The following MACROD2 variants were observed in gnomAD, a reference collection of about 807,000 sequenced individuals.
The protein encoded by MACROD2 is mono-ADP ribosylhydrolase 2.
MACROD2 carries 36 observed loss-of-function variants against 70.4 expected under a neutral mutation model. That is an observed-to-expected ratio of 0.51 (90% confidence interval 0.39 to 0.68). The LOEUF (loss-of-function observed/expected upper bound fraction) is 0.68, where lower values mean the gene tolerates loss of function less well. Among genes scored for constraint, MACROD2 ranks in the 30% least tolerant of loss-of-function variants. MACROD2 has a pLI of 0.00. For missense variants in MACROD2, 496 were observed against 538.4 expected (o/e 0.92, Z 0.78); for synonymous variants, 172 against 178.8 (o/e 0.96, Z 0.30).
intron 5 of MACROD2, among the ~76,000 whole-genome samples, chr20:15,221,230 A>T (rs1031921178): frequency 1.3e-5 from 2 of 152,210 alleles, no homozygotes; most frequent in African/African-American, 4.8e-5. Flanking sequence ...TTGAACCAGA[A>T]CAAAGATCTT....
At chr20:14,693,571 T>C (rs2071087325) in intron 5 of MACROD2, among the ~76,000 whole-genome samples, 1 of 152,188 alleles carries the variant, frequency 6.6e-6, no homozygotes, top group African/African-American at 2.4e-5. Context: ...ATGTATTAAC[T>C]CTCCCTGTAA....
Position 14,518,721 on chromosome 20 carries a change from A to C in MACROD2, c.301+25213A>C, listed in dbSNP as rs192959740. Among the ~76,000 whole-genome samples the C allele has an allele frequency of 1.7e-3, 255 of 152,132 alleles. 1 individual carries two copies. The highest frequency in any genetic ancestry group is 5.8e-3 in the African/African-American group (241 of 41,518). Reference sequence around the variant, plus strand: ...GAAAGAGTGGCACCTTTATATAAAAATATAAAGCCTGGCTTATGCCCTGGT... The same window carrying C: ...GAAAGAGTGGCACCTTTATATAAAACTATAAAGCCTGGCTTATGCCCTGGT... On this transcript the variant is annotated intron_variant, in intron 4 of 17. Transcript: ENST00000684519.
At chr20:14,290,692 A>G (rs376376248) in intron 3 of MACROD2, among the ~76,000 whole-genome samples, 1 of 152,078 alleles carries the variant, frequency 6.6e-6, no homozygotes, top group Non-Finnish European at 1.5e-5. Flanking sequence ...TATTTTTAGT[A>G]TACACAGGGT....
intron 2 of MACROD2, among the ~76,000 whole-genome samples, chr20:14,066,030 G>T (rs2053751998): frequency 6.6e-6 from 1 of 152,124 alleles, no homozygotes. Context: ...TTTTGCAAAA[G>T]TTCTGTGGAT....
intron 6 of MACROD2, among the ~76,000 whole-genome samples, chr20:15,385,128 G>C (rs1360255133): frequency 6.6e-6 from 1 of 152,162 alleles, no homozygotes; most frequent in Non-Finnish European, 1.5e-5. Context: ...CAGTGGGTGG[G>C]GCAGTGGTAT....
At chr20:15,077,958 C>T (rs1054706479) in intron 5 of MACROD2, among the ~76,000 whole-genome samples, 18 of 152,028 alleles carry the variant, frequency 1.2e-4, no homozygotes, top group Non-Finnish European at 5.9e-5. Flanking sequence ...TCTCAGAAAG[C>T]TCACAGGACT....
chr20:14,417,054 CTATCTATCTATCATCTATCTATCTATCT>C (rs2083814781), intron 3 of MACROD2, among the ~76,000 whole-genome samples: 1 of 74,120 alleles, frequency 1.3e-5, no homozygotes, highest in Non-Finnish European at 3.3e-5. Context: ...TATTATCTAT[CTATCTATCTATCATCTATCTATCTATCT>C]ATCTATCTAT....
chr20:14,953,099 A>T (rs1447069984), intron 5 of MACROD2, among the ~76,000 whole-genome samples: 2 of 152,146 alleles, frequency 1.3e-5, no homozygotes, highest in Non-Finnish European at 2.9e-5. Context: ...AATAAATAAT[A>T]GACCAGAAAA....
chr20:14,212,700 C>T lies in MACROD2; in HGVS notation c.271+126972C>T, dbSNP rs541119456. Among the ~76,000 whole-genome samples, 35 of 151,536 alleles carry T rather than the reference C, an allele frequency of 2.3e-4. No homozygotes were observed. In the South Asian group the frequency reaches 7.3e-3, roughly 32 times the overall value. Reference sequence around the variant, plus strand: ...AGCTTGATTTCTGTAGTCCCTGTCTCTAAAATTGGGGTAAAACCACATACC... The same window carrying T: ...AGCTTGATTTCTGTAGTCCCTGTCTTTAAAATTGGGGTAAAACCACATACC... On this transcript the variant is annotated intron_variant, in intron 3 of 17. Transcript: ENST00000684519.
chr20:14,331,445 T>G (rs1173732672), intron 3 of MACROD2, among the ~76,000 whole-genome samples: 1 of 152,150 alleles, frequency 6.6e-6, no homozygotes, highest in African/African-American at 2.4e-5. Flanking sequence ...GTGGTAATAA[T>G]GTGGGATTAA....
rs2072800307 is a variant in MACROD2, at chr20:14,818,548, A to T, written c.418+133589A>T. ...ATTCAGATGATTTCAAGATTTTGAC[A>T]CATGAAGATTCCAGGTTCACCTATG... On this transcript the variant is annotated intron_variant, in intron 5 of 17. Transcript: ENST00000684519. Among the ~76,000 whole-genome samples the T allele has an allele frequency of 2.0e-5, 3 of 152,224 alleles. No individual in the cohort carries two copies. The South Asian group carries it at 6.2e-4, about 32-fold the overall frequency.
intron 3 of MACROD2, among the ~76,000 whole-genome samples, chr20:14,140,965 G>A (rs1439978655): frequency 6.6e-6 from 1 of 152,164 alleles, no homozygotes; most frequent in Non-Finnish European, 1.5e-5. Context: ...TCATATTAGA[G>A]AGTCATTCAG....
rs555920446 is a variant in MACROD2 at position 15,885,770 on chromosome 20, A to C, written c.734A>C (p.Asn245Thr). The change falls in exon 10 of 18, where the codon AAT becomes ACT. Residue 245 changes from asparagine to threonine, a missense_variant. Coordinates refer to ENST00000684519, the MANE Select transcript of MACROD2 (RefSeq NM_001351661.2). ...KMNEFFSVDDNNEEEEDVEMK... is the reference protein window; with the variant it reads ...KMNEFFSVDDTNEEEEDVEMK... ...TTTTCCTATTTTTTAACAGACGATA[A>C]TAATGAAGAAGAAGAGGATGTTGAA... 10 of 1,488,792 alleles carry C rather than the reference A, an allele frequency of 6.7e-6. No homozygotes were observed. In the South Asian group the frequency reaches 1.3e-4, roughly 20 times the overall value. The allele number at this position is 1,488,792 out of a possible 1,614,324, so 92.2% of individuals were successfully genotyped here.
At chr20:15,419,086 A>C (rs1315453331) in intron 6 of MACROD2, among the ~76,000 whole-genome samples, 1 of 152,168 alleles carries the variant, frequency 6.6e-6, no homozygotes, top group African/African-American at 2.4e-5. Context: ...ATTTATGACG[A>C]AGTGGTCCCA....
chr20:14,714,540 G>A (rs2123669835), intron 5 of MACROD2, among the ~76,000 whole-genome samples: 1 of 152,152 alleles, frequency 6.6e-6, no homozygotes, highest in Middle Eastern at 3.4e-3. Context: ...ACAAGACCTG[G>A]CCTCTGCCTT....
chr20:15,812,506 ATATTT>A (rs1391022334), intron 8 of MACROD2, among the ~76,000 whole-genome samples: 1 of 152,034 alleles, frequency 6.6e-6, no homozygotes, highest in African/African-American at 2.4e-5. Flanking sequence ...TGTGGATAAG[ATATTT>A]CTCCCCCTTG....
intron 8 of MACROD2, among the ~76,000 whole-genome samples, chr20:15,581,127 A>G (rs188105008): frequency 6.6e-6 from 1 of 152,292 alleles, no homozygotes; most frequent in East Asian, 1.9e-4. Flanking sequence ...GGAGAGACAG[A>G]GGATTGAGAG....
At chr20:14,631,764 ACTCCAT>A (rs1367524472) in intron 4 of MACROD2, 1 of 152,142 alleles carries the variant, frequency 6.6e-6, no homozygotes, top group Non-Finnish European at 1.5e-5. Flanking sequence ...ACAGAGCGAG[ACTCCAT>A]CTCAAAAAAG....
At chr20:14,704,377 T>C (rs1254277529) in intron 5 of MACROD2, among the ~76,000 whole-genome samples, 1 of 151,962 alleles carries the variant, frequency 6.6e-6, no homozygotes, top group Non-Finnish European at 1.5e-5. Context: ...GCTTCTTGGG[T>C]GGGATAATTA....
Sources: gnomAD v4.1 joint callset for allele counts (sites outside exome capture counted in the v4.1 genomes callset) on GRCh38, gnomAD v4.1.1 for gene constraint, MANE v1.5 for transcripts, NCBI Gene and HGNC (gene_info 2026-07-23, HGNC 2026-07-21) for gene names.